Variants in PBX3 observed in about 807,000 individuals in gnomAD.
PBX3 encodes the protein pre-B-cell leukemia transcription factor 3.
PBX3 carries 14 observed loss-of-function variants against 48.5 expected under a neutral mutation model. The observed-to-expected ratio is 0.29, with a 90% CI of 0.19 to 0.45. The LOEUF is 0.45. PBX3 is among the 20% of genes least tolerant of loss of function. PBX3 has a pLI of 1.00. For synonymous variants in PBX3, 210 were observed against 200.3 expected (o/e 1.05, Z -0.41); for missense variants, 386 against 546.7 (o/e 0.71, Z 2.93).
At chr9:125,833,918 G>A (rs1019248962) in intron 2 of PBX3, among the ~76,000 whole-genome samples, 7 of 152,176 alleles carry the variant, frequency 4.6e-5, no homozygotes, top group African/African-American at 1.7e-4. Flanking sequence ...GGAACTGCCA[G>A]CCTGTTTTCC....
chr9:125,913,644 A>C (rs926900920), intron 2 of PBX3, among the ~76,000 whole-genome samples: 1 of 152,156 alleles, frequency 6.6e-6, no homozygotes, highest in African/African-American at 2.4e-5. Flanking sequence ...AAGTGTAATC[A>C]TTTTGGGTAT....
At chr9:125,875,628 A>G (rs1840229838) in intron 2 of PBX3, among the ~76,000 whole-genome samples, 1 of 152,124 alleles carries the variant, frequency 6.6e-6, no homozygotes, top group Non-Finnish European at 1.5e-5. Flanking sequence ...TCTTGGTTCT[A>G]GTTCTTGGTT....
rs1258947865 is a variant in PBX3, at chr9:125,781,293, G to A, written c.274+32670G>A. On this transcript the variant is annotated intron_variant, in intron 2 of 8. Transcript: ENST00000373489. ...GGCACCTCGGGAGGCCAAGGCTGGC[G>A]GATCACTCGCTGTTAGGAGCTGGAG... is the stretch of plus-strand genomic sequence containing the variant. 7.9e-5 allele frequency among the ~76,000 whole-genome samples: 12 copies of A among 151,894 alleles called. No homozygotes were observed. In the East Asian group the frequency reaches 1.6e-3, roughly 20 times the overall value.
intron 2 of PBX3, among the ~76,000 whole-genome samples, chr9:125,898,436 G>A (rs1156273336): frequency 1.5e-5 from 2 of 135,446 alleles, no homozygotes; most frequent in African/African-American, 5.3e-5. Context: ...AGTGTAGCAG[G>A]ACCCCATCTT....
At chr9:125,872,220 G>C (rs1302433036) in intron 2 of PBX3, among the ~76,000 whole-genome samples, 1 of 152,058 alleles carries the variant, frequency 6.6e-6, no homozygotes. Context: ...AAAATGATTT[G>C]GGAGAAATAA....
chr9:125,870,438 A>G (rs1044934331), intron 2 of PBX3, among the ~76,000 whole-genome samples: 40 of 152,138 alleles, frequency 2.6e-4, no homozygotes, highest in African/African-American at 9.2e-4. Flanking sequence ...TAAAACCATC[A>G]TATCAGGCTG....
At chr9:125,886,018 G>A (rs1278127060) in intron 2 of PBX3, among the ~76,000 whole-genome samples, 2 of 152,050 alleles carry the variant, frequency 1.3e-5, no homozygotes, top group Non-Finnish European at 2.9e-5. Context: ...TAAAAATAAT[G>A]TTAATAGTGA....
chr9:125,922,445 C>A (rs1841477198), intron 3 of PBX3, among the ~76,000 whole-genome samples: 1 of 152,136 alleles, frequency 6.6e-6, no homozygotes, highest in Non-Finnish European at 1.5e-5. Flanking sequence ...TCAGAAAATT[C>A]AAGGCATACT....
At chr9:125,885,347 G>A (rs980075732) in intron 2 of PBX3, among the ~76,000 whole-genome samples, 2 of 152,094 alleles carry the variant, frequency 1.3e-5, no homozygotes, top group Non-Finnish European at 2.9e-5. Context: ...TGCTAAATAT[G>A]CAAAGCCTCT....
intron 2 of PBX3, among the ~76,000 whole-genome samples, chr9:125,828,011 C>G (rs1838857406): frequency 6.6e-6 from 1 of 152,114 alleles, no homozygotes; most frequent in Non-Finnish European, 1.5e-5. Flanking sequence ...GGACCTTAGT[C>G]TTCTGTGTCC....
At chr9:125,847,988 A>T (rs1175611744) in intron 2 of PBX3, among the ~76,000 whole-genome samples, 1 of 151,996 alleles carries the variant, frequency 6.6e-6, no homozygotes, top group Non-Finnish European at 1.5e-5. Flanking sequence ...AAATATGGTG[A>T]ATTGAGTAAG....
intron 6 of PBX3, among the ~76,000 whole-genome samples, chr9:125,961,235 A>T (rs1842424236): frequency 6.6e-6 from 1 of 152,198 alleles, no homozygotes; most frequent in Non-Finnish European, 1.5e-5. Context: ...GTGTGTGAGG[A>T]AGCTGGAATG....
rs369090775 is a variant in PBX3, at chr9:125,809,234, G to T, written c.274+60611G>T. ...TTTTCACTGTTCCTTGCATATGCGT[G>T]ACTGCAGATGACTGCAAAAGTGCCC... is the stretch of plus-strand genomic sequence containing the variant. On this transcript the variant is annotated intron_variant, in intron 2 of 8. Coordinates refer to ENST00000373489, the MANE Select transcript of PBX3 (RefSeq NM_006195.6). Among the ~76,000 whole-genome samples, 22 of 152,342 alleles carry T rather than the reference G, an allele frequency of 1.4e-4. 1 individual carries two copies. In the South Asian group the frequency reaches 2.9e-3, roughly 20 times the overall value.
rs1456292037 is a variant in PBX3, at chr9:125,950,678, C to T, written c.844-10006C>T. Among the ~76,000 whole-genome samples the T allele has an allele frequency of 5.3e-5, 8 of 152,096 alleles. No individual in the cohort carries two copies. The East Asian group carries it at 9.7e-4, about 18-fold the overall frequency. On this transcript the variant is annotated intron_variant, in intron 5 of 8. Transcript: ENST00000373489. ...TGTATTTTTAGTAGAGACGGGGTTT[C>T]ACCATGTTGGCCAGGCTGGTCTCAA...
chr9:125,857,529 C>G (rs1315253590), intron 2 of PBX3, among the ~76,000 whole-genome samples: 2 of 152,064 alleles, frequency 1.3e-5, no homozygotes, highest in African/African-American at 4.8e-5. Context: ...CCATCTGACC[C>G]CCAGTACTAC....
At position 125,808,604 on chromosome 9, in the gene PBX3, T is replaced by G. The variant is rs570063110; in HGVS notation, c.274+59981T>G. 2.0e-5 allele frequency among the ~76,000 whole-genome samples: 3 copies of G among 152,278 alleles called. No homozygotes were observed. The East Asian group carries it at 5.8e-4, about 29-fold the overall frequency. On this transcript the variant is annotated intron_variant, in intron 2 of 8. Transcript: ENST00000373489. ...TCACTTGAGCCTGGGAGGTCAGGGCTTCAGTGAGTTATGATCATGCTACTG... is the reference window on the plus strand; with the variant it reads ...TCACTTGAGCCTGGGAGGTCAGGGCGTCAGTGAGTTATGATCATGCTACTG...
intron 2 of PBX3, chr9:125,797,297 A>C (rs745479577): frequency 2.3e-4 from 35 of 152,178 alleles, no homozygotes; most frequent in Non-Finnish European, 1.0e-4. Context: ...ACTAATCAGT[A>C]ATGAAGTTTC....
At chr9:125,775,006 A>G (rs1428516624) in intron 2 of PBX3, among the ~76,000 whole-genome samples, 1 of 152,086 alleles carries the variant, frequency 6.6e-6, no homozygotes, top group Non-Finnish European at 1.5e-5. Flanking sequence ...AGCTGGGATT[A>G]CAGGCATGTG....
chr9:125,870,603 T>C (rs904118782), intron 2 of PBX3, among the ~76,000 whole-genome samples: 3 of 152,140 alleles, frequency 2.0e-5, no homozygotes, highest in Admixed American at 1.3e-4. Context: ...GTCCCACAAA[T>C]TGTGGGAGCT....
Sources: allele counts gnomAD v4.1 joint callset (sites outside exome capture counted in the v4.1 genomes callset), GRCh38; gene constraint gnomAD v4.1.1; transcripts MANE v1.5; gene names NCBI Gene and HGNC (gene_info 2026-07-23, HGNC 2026-07-21).